Variants in CFAP299 observed in about 807,000 individuals in gnomAD.
CFAP299 encodes cilia- and flagella-associated protein 299.
CFAP299 carries 21 observed loss-of-function variants against 27.0 expected under a neutral mutation model. The observed-to-expected ratio is 0.78, with a 90% CI of 0.55 to 1.12. The LOEUF (loss-of-function observed/expected upper bound fraction) is 1.12, where lower values mean the gene tolerates loss of function less well. CFAP299 is among the 50% of genes most tolerant of loss of function. The pLI is 0.00. For missense variants in CFAP299, 310 were observed against 276.6 expected (o/e 1.12, Z -0.86); for synonymous variants, 104 against 98.1 (o/e 1.06, Z -0.36).
chr4:80,349,481 A>G (rs1722916364), intron 1 of CFAP299, among the ~76,000 whole-genome samples: 1 of 152,208 alleles, frequency 6.6e-6, no homozygotes, highest in South Asian at 2.1e-4. Flanking sequence ...CAGGACATGC[A>G]TAGCCCTGAC....
intron 3 of CFAP299, among the ~76,000 whole-genome samples, chr4:80,812,333 C>A (rs72879996): frequency 0.011 from 1,620 of 152,124 alleles, 28 homozygotes; most frequent in African/African-American, 0.036. Context: ...TGTGAAACTA[C>A]AGGGTGACAA....
At chr4:80,794,231 C>G (rs1727727239) in intron 3 of CFAP299, among the ~76,000 whole-genome samples, 1 of 152,146 alleles carries the variant, frequency 6.6e-6, no homozygotes, top group South Asian at 2.1e-4. Context: ...TCTTAAGTTC[C>G]AGTTTACTGG....
intron 4 of CFAP299, among the ~76,000 whole-genome samples, chr4:80,875,651 T>G: frequency 7.4e-6 from 1 of 135,234 alleles, no homozygotes; most frequent in Admixed American, 7.8e-5. Flanking sequence ...GCAAAAAGAG[T>G]GAAACTCTGT....
intron 3 of CFAP299, among the ~76,000 whole-genome samples, chr4:80,718,334 T>C (rs1560715263): frequency 6.6e-6 from 1 of 152,134 alleles, no homozygotes; most frequent in East Asian, 1.9e-4. Context: ...TATCGAATTA[T>C]ATTCAATATA....
intron 2 of CFAP299, among the ~76,000 whole-genome samples, chr4:80,478,716 T>G (rs1730406218): frequency 2.0e-5 from 3 of 152,058 alleles, no homozygotes; most frequent in Admixed American, 2.0e-4. Context: ...AAAGTTTGAC[T>G]CTTTGTCTTA....
chr4:80,860,493 A>T (rs1732256875), intron 3 of CFAP299, among the ~76,000 whole-genome samples: 1 of 152,104 alleles, frequency 6.6e-6, no homozygotes, highest in South Asian at 2.1e-4. Context: ...TCTGCTTTGT[A>T]GAGTTGCCAT....
At chr4:80,325,459 A>G in the CFAP299 span, among the ~76,000 whole-genome samples, 2 of 152,344 alleles carry the variant, frequency 1.3e-5, no homozygotes, top group African/African-American at 4.8e-5. Flanking sequence ...GTTGTGTCTG[A>G]ACTTTCCTAA....
At chr4:80,936,529 T>C (rs1736898622) in intron 4 of CFAP299, among the ~76,000 whole-genome samples, 1 of 152,046 alleles carries the variant, frequency 6.6e-6, no homozygotes, top group African/African-American at 2.4e-5. Flanking sequence ...AGCACACTAA[T>C]GCAGGAACAG....
intron 3 of CFAP299, among the ~76,000 whole-genome samples, chr4:80,824,027 TG>T (rs1311947289): frequency 1.3e-5 from 2 of 152,204 alleles, no homozygotes; most frequent in Non-Finnish European, 2.9e-5. Flanking sequence ...TACAATGTGT[TG>T]TGCCTCATTT....
At chr4:80,625,442 AG>A (rs1738837179) in intron 3 of CFAP299, among the ~76,000 whole-genome samples, 2 of 152,054 alleles carry the variant, frequency 1.3e-5, no homozygotes, top group African/African-American at 2.4e-5. Context: ...TAGCTATAAA[AG>A]AAGACAGAAA....
chr4:80,848,219 A>G (rs1731290311), intron 3 of CFAP299, among the ~76,000 whole-genome samples: 1 of 152,060 alleles, frequency 6.6e-6, no homozygotes. Flanking sequence ...TCAAAAAAAA[A>G]AGGGATACAA....
At chr4:80,573,460 G>T (rs958468168) in intron 2 of CFAP299, among the ~76,000 whole-genome samples, 1 of 151,890 alleles carries the variant, frequency 6.6e-6, no homozygotes. Context: ...GAAGCTTTTT[G>T]ACTTGATGTG....
At chr4:80,655,698 G>A (rs1178677297) in intron 3 of CFAP299, among the ~76,000 whole-genome samples, 1 of 152,072 alleles carries the variant, frequency 6.6e-6, no homozygotes, top group African/African-American at 2.4e-5. Context: ...CTGTTCAGAC[G>A]ATTAGGCACA....
chr4:80,674,571 C>G (rs976331002), intron 3 of CFAP299, among the ~76,000 whole-genome samples: 3 of 152,170 alleles, frequency 2.0e-5, no homozygotes, highest in Non-Finnish European at 4.4e-5. Flanking sequence ...GTTGGCGTGC[C>G]TTGCTAGGTT....
At chr4:80,469,192 CAG>C (rs1729861791) in intron 2 of CFAP299, among the ~76,000 whole-genome samples, 1 of 152,172 alleles carries the variant, frequency 6.6e-6, no homozygotes, top group African/African-American at 2.4e-5. Context: ...TTTACTGAAA[CAG>C]AAACTGATGG....
At chr4:80,812,387 T>A (rs1313146301) in intron 3 of CFAP299, among the ~76,000 whole-genome samples, 1 of 152,058 alleles carries the variant, frequency 6.6e-6, no homozygotes, top group African/African-American at 2.4e-5. Context: ...ACATTACACA[T>A]AAGAGAGTCC....
intron 3 of CFAP299, among the ~76,000 whole-genome samples, chr4:80,638,371 T>A (rs1462196015): frequency 6.6e-6 from 1 of 152,230 alleles, no homozygotes; most frequent in Non-Finnish European, 1.5e-5. Context: ...GAATTTGTGA[T>A]CATATAAGCT....
At chr4:80,736,090 A>G (rs553830921) in intron 3 of CFAP299, among the ~76,000 whole-genome samples, 18 of 152,018 alleles carry the variant, frequency 1.2e-4, no homozygotes, top group Non-Finnish European at 2.4e-4. Context: ...GTTTAATTAG[A>G]TCCCATTTGT....
intron 2 of CFAP299, among the ~76,000 whole-genome samples, chr4:80,460,220 A>G (rs901654020): frequency 3.3e-5 from 5 of 152,208 alleles, no homozygotes; most frequent in Admixed American, 1.3e-4. Flanking sequence ...CCACAAGCCA[A>G]TCTTTCCTAT....
Sources: allele counts gnomAD v4.1 joint callset (sites outside exome capture counted in the v4.1 genomes callset), GRCh38; gene constraint gnomAD v4.1.1; transcripts MANE v1.5; gene names NCBI Gene and HGNC (gene_info 2026-07-23, HGNC 2026-07-21).